TTBK2: variants seen among roughly 807,000 people sequenced by gnomAD.
The protein encoded by TTBK2 is tau-tubulin kinase 2.
A neutral mutation model predicts 110.8 loss-of-function variants in TTBK2; 28 were observed. The ratio of observed to expected loss-of-function variants is 0.25; its 90% CI spans 0.19 to 0.35. The LOEUF is 0.35. Among genes scored for constraint, TTBK2 ranks in the 10% least tolerant of loss-of-function variants. TTBK2 has a pLI of 1.00. For missense variants in TTBK2, 1,369 were observed against 1,500.3 expected, an observed-to-expected ratio of 0.91 and a Z score of 1.45; for synonymous variants, 532 against 527.3, an observed-to-expected ratio of 1.01 and a Z score of -0.12.
intron 10 of TTBK2, among the ~76,000 whole-genome samples, chr15:42,793,267 G>A (rs1279347977): frequency 6.6e-6 from 1 of 152,132 alleles, no homozygotes; most frequent in African/African-American, 2.4e-5. Flanking sequence ...GGTGATTCTG[G>A]GTCTAGTCAG....
intron 4 of TTBK2, among the ~76,000 whole-genome samples, chr15:42,838,733 T>C (rs780807120): frequency 2.0e-5 from 3 of 152,004 alleles, no homozygotes; most frequent in Non-Finnish European, 4.4e-5. Context: ...GAAGAATCGC[T>C]TGAACCTGGG....
At position 42,745,055 on chromosome 15, in the gene TTBK2, CTT is replaced by C. The variant is rs1432732132; in HGVS notation, c.*738_*739del. On this transcript the variant is annotated 3_prime_UTR_variant, in exon 15 of 15. Transcript: ENST00000267890. ...TTAGACTTTTCTTTCCTTTACCTAA[CTT>C]TCTTATTTTTCATAATAAAAATGTA... 1 of 153,822 alleles carries C rather than the reference CTT, an allele frequency of 6.5e-6. No individual in the cohort carries two copies. The highest frequency in any genetic ancestry group is 1.5e-5 in the Non-Finnish European group (1 of 68,168). 9.5% of individuals were successfully genotyped at this position (153,822 alleles called of 1,614,324 possible). A position where few individuals can be genotyped will look rare whatever the true frequency, so the allele number is the denominator to read the frequency against.
chr15:42,760,072 C>G (rs2062001820), intron 13 of TTBK2, among the ~76,000 whole-genome samples: 1 of 151,946 alleles, frequency 6.6e-6, no homozygotes, highest in Admixed American at 6.6e-5. Flanking sequence ...TAAAAAAGAA[C>G]CAAAGGAATC....
In TTBK2 at chr15:42,744,308, G is replaced by A. The variant is rs1475352057; in HGVS notation, c.*1487C>T. 6.6e-6 allele frequency: 1 copy of A among 151,872 alleles called. No homozygotes were observed. The highest frequency in any genetic ancestry group is 1.9e-4 in the East Asian group (1 of 5,188). The allele number at this position is 151,872 out of a possible 1,614,324, so 9.4% of individuals were successfully genotyped here. A position where few individuals can be genotyped will look rare whatever the true frequency, so the allele number is the denominator to read the frequency against. On this transcript the variant is annotated 3_prime_UTR_variant, in exon 15 of 15. Transcript: ENST00000267890. ...CAGCTTTGATGCAGCATTAGAAGAT[G>A]TTCACTTGGGGAGGAAATGTATTCC... is the stretch of plus-strand genomic sequence containing the variant.
intron 13 of TTBK2, among the ~76,000 whole-genome samples, chr15:42,764,212 G>A (rs1889244023): frequency 6.6e-6 from 1 of 152,204 alleles, no homozygotes; most frequent in Non-Finnish European, 1.5e-5. Context: ...GGTGATTTCT[G>A]CATTTCCAAC....
Position 42,745,672 on chromosome 15 carries a change from C to A in TTBK2, c.*123G>T, listed in dbSNP as rs1450029818. 8.6e-7 allele frequency: 1 copy of A among 1,169,514 alleles called. No individual in the cohort carries two copies. The highest frequency in any genetic ancestry group is 1.8e-5 in the Admixed American group (1 of 55,534). The allele number at this position is 1,169,514 out of a possible 1,614,324, so 72.4% of individuals were successfully genotyped here. On this transcript the variant is annotated 3_prime_UTR_variant, in exon 15 of 15. Coordinates refer to ENST00000267890, the MANE Select transcript of TTBK2 (RefSeq NM_173500.4). Reference sequence around the variant, plus strand: ...TTATGTCTTCTTATAAATAATTGATCATGTTACTTTCTTTTGCAAGAGAAG... The same window carrying A: ...TTATGTCTTCTTATAAATAATTGATAATGTTACTTTCTTTTGCAAGAGAAG...
intron 1 of TTBK2, among the ~76,000 whole-genome samples, chr15:42,896,241 T>C (rs1350652601): frequency 1.3e-5 from 2 of 151,942 alleles, no homozygotes; most frequent in Non-Finnish European, 2.9e-5. Context: ...GGCAGGAGAA[T>C]TGCTTGAACC....
At chr15:42,761,921 G>A (rs1253081805) in intron 13 of TTBK2, among the ~76,000 whole-genome samples, 2 of 152,192 alleles carry the variant, frequency 1.3e-5, no homozygotes, top group Admixed American at 1.3e-4. Context: ...GGACCCAGTG[G>A]GAGGTAACTG....
intron 3 of TTBK2, among the ~76,000 whole-genome samples, chr15:42,841,275 T>C (rs897788580): frequency 6.6e-6 from 1 of 152,154 alleles, no homozygotes; most frequent in Non-Finnish European, 1.5e-5. Flanking sequence ...GGCAAGATCT[T>C]GGCTCACTGC....
In TTBK2 at chr15:42,815,954, A is replaced by ATATATATATATATATATAT. The variant is rs1393860735; in HGVS notation, c.603+1077_603+1078insATATATATATATATATATA. On this transcript the variant is annotated intron_variant, in intron 7 of 14. Coordinates refer to ENST00000267890, the MANE Select transcript of TTBK2 (RefSeq NM_173500.4). ...AAAATATATATATATATATTTAAAAAAAAAATATATATATATATATATATT... is the reference window on the plus strand; with the variant it reads ...AAAATATATATATATATATTTAAAAATATATATATATATATATATAAAAATATATATATATATATATATT... Among the ~76,000 whole-genome samples the ATATATATATATATATATAT allele has an allele frequency of 9.4e-5, 5 of 53,390 alleles. No individual in the cohort carries two copies. The South Asian group carries it at 3.6e-3, about 39-fold the overall frequency. 35.0% of individuals were successfully genotyped at this position (53,390 alleles called of 152,430 possible).
intron 9 of TTBK2, among the ~76,000 whole-genome samples, chr15:42,808,715 T>C (rs1891584394): frequency 6.7e-6 from 1 of 150,024 alleles, no homozygotes. Flanking sequence ...AAGCCAGGCA[T>C]GGTGCACACT....
chr15:42,886,394 T>A (rs1895248505), intron 1 of TTBK2, among the ~76,000 whole-genome samples: 1 of 152,174 alleles, frequency 6.6e-6, no homozygotes, highest in South Asian at 2.1e-4. Flanking sequence ...TTAATGCTCC[T>A]TTTTTCTTTA....
chr15:42,808,543 G>T (rs534868172), intron 9 of TTBK2, among the ~76,000 whole-genome samples: 2 of 152,146 alleles, frequency 1.3e-5, no homozygotes, highest in African/African-American at 4.8e-5. Context: ...TGTCCCATGA[G>T]AAACCTAAAA....
intron 14 of TTBK2, among the ~76,000 whole-genome samples, chr15:42,748,602 G>A (rs2061826225): frequency 6.6e-6 from 1 of 152,002 alleles, no homozygotes; most frequent in Non-Finnish European, 1.5e-5. Flanking sequence ...TTGTAGAGAT[G>A]AGGTTTCACC....
At chr15:42,860,460 A>C (rs778322359) in intron 3 of TTBK2, among the ~76,000 whole-genome samples, 9 of 151,892 alleles carry the variant, frequency 5.9e-5, no homozygotes, top group South Asian at 4.2e-4. Flanking sequence ...AACAACAACA[A>C]AAATTAGCCA....
At chr15:42,808,434 T>C (rs1891570149) in intron 9 of TTBK2, among the ~76,000 whole-genome samples, 1 of 152,238 alleles carries the variant, frequency 6.6e-6, no homozygotes, top group Non-Finnish European at 1.5e-5. Flanking sequence ...TCATTGCTAT[T>C]TGACCTTTGA....
intron 4 of TTBK2, 104 bp downstream of exon 4, chr15:42,840,256 T>G (rs944456041): frequency 2.0e-6 from 2 of 1,020,700 alleles, no homozygotes; most frequent in African/African-American, 3.2e-5. Flanking sequence ...TAAAACATTC[T>G]CACATGGTAC....
chr15:42,884,322 A>C (rs1422726085), intron 1 of TTBK2, among the ~76,000 whole-genome samples: 1 of 152,222 alleles, frequency 6.6e-6, no homozygotes, highest in African/African-American at 2.4e-5. Flanking sequence ...TATTAATAAT[A>C]AGAAATATAA....
chr15:42,759,394 G>A (rs559770605), intron 13 of TTBK2, among the ~76,000 whole-genome samples: 1 of 152,284 alleles, frequency 6.6e-6, no homozygotes, highest in East Asian at 1.9e-4. Context: ...CCTGCGCCTT[G>A]GACCTGAGAA....
Sources: allele counts gnomAD v4.1 joint callset (sites outside exome capture counted in the v4.1 genomes callset), GRCh38; gene constraint gnomAD v4.1.1; transcripts MANE v1.5; gene names NCBI Gene and HGNC (gene_info 2026-07-23, HGNC 2026-07-21).